The following BRCA2 variants were observed in gnomAD, a reference collection of about 807,000 sequenced individuals.
BRCA2 encodes breast cancer type 2 susceptibility protein.
In BRCA2, 203 loss-of-function variants were observed where a neutral mutation model predicts 276.7. That is an observed-to-expected ratio of 0.73 (90% confidence interval 0.65 to 0.82). BRCA2 has a LOEUF of 0.82. Among genes scored for constraint, BRCA2 ranks in the 40% least tolerant of loss-of-function variants. BRCA2 has a pLI of 0.00. For synonymous variants in BRCA2, 1,289 were observed against 1,338.4 expected (o/e 0.96, Z 0.81); for missense variants, 3,920 against 3,915.0 (o/e 1.00, Z -0.03).
intron 21 of BRCA2, among the ~76,000 whole-genome samples, chr13:32,378,211 A>T (rs1470622286): frequency 2.0e-5 from 3 of 152,186 alleles, no homozygotes; most frequent in Non-Finnish European, 4.4e-5. Flanking sequence ...GCAGAATAAG[A>T]GTTGGAGTAG....
chr13:32,379,826 T>C lies in BRCA2; in HGVS notation c.9030T>C (p.His3010=), dbSNP rs1060504616. The C allele has an allele frequency of 6.2e-7, 1 of 1,613,002 alleles. No individual in the cohort carries two copies. Among genetic ancestry groups the C allele is most frequent in the Non-Finnish European group, 8.5e-7 (1 of 1,179,038 alleles). Residue 3010 remains histidine, a synonymous_variant, in exon 23 of 27, where the codon CAT becomes CAC. Coordinates refer to ENST00000380152, the MANE Select transcript of BRCA2 (RefSeq NM_000059.4). ...AAGGAAAGAGATACAGAATTTATCATCTTGCAACTTCAAAATCTAAAAGTA... is the reference window on the plus strand; with the variant it reads ...AAGGAAAGAGATACAGAATTTATCACCTTGCAACTTCAAAATCTAAAAGTA... The part of the protein sequence containing the change: ...LTEGKRYRIY[H]LATSKSKSKS...
chr13:32,395,106 C>T (rs1282432615), intron 25 of BRCA2, among the ~76,000 whole-genome samples, 173 bp downstream of exon 25: 2 of 152,102 alleles, frequency 1.3e-5, no homozygotes, highest in Non-Finnish European at 2.9e-5. Context: ...GGGGAAATGA[C>T]AGCAACTAGA....
chr13:32,355,845 A>C (rs1330173162), intron 14 of BRCA2, among the ~76,000 whole-genome samples: 1 of 151,804 alleles, frequency 6.6e-6, no homozygotes, highest in Non-Finnish European at 1.5e-5. Flanking sequence ...GCGCCATTGC[A>C]CTCCAGCCTG....
chr13:32,352,894 G>A (rs2072662243), intron 13 of BRCA2, among the ~76,000 whole-genome samples: 1 of 152,178 alleles, frequency 6.6e-6, no homozygotes, highest in African/African-American at 2.4e-5. Context: ...GTGATAAGTT[G>A]AGACTGGCAA....
chr13:32,338,833 A>G lies in BRCA2; in HGVS notation c.4478A>G (p.Glu1493Gly), dbSNP rs80358679. The change falls in exon 11 of 27, where the codon GAA becomes GGA. Residue 1493 changes from glutamate (E) to glycine (G), a missense_variant. This residue lies in a region of BRCA2 where 3,263 missense variants were observed against 3,156.9 expected (regional missense o/e 1.03). Coordinates refer to ENST00000380152, the MANE Select transcript of BRCA2 (RefSeq NM_000059.4). ...ATAGTTAAACACAAAATACTGAAAG[A>G]AAGTGTCCCAGTTGGTACTGGAAAT... is the stretch of plus-strand genomic sequence containing the variant. ...TDIVKHKILK[E>G]SVPVGTGNQL... 2 of 1,613,788 alleles carry G rather than the reference A, an allele frequency of 1.2e-6. No homozygotes were observed. The highest frequency in any genetic ancestry group is 1.3e-5 in the African/African-American group (1 of 74,938).
intron 20 of BRCA2, among the ~76,000 whole-genome samples, chr13:32,376,388 G>A (rs906366090): frequency 6.6e-6 from 1 of 151,870 alleles, no homozygotes; most frequent in South Asian, 2.1e-4. Context: ...CGGGCATGTT[G>A]GATGTGCCTC....
At position 32,332,279 on chromosome 13, in the gene BRCA2, A is replaced by G; in HGVS notation, c.801A>G (p.Gly267=). 1 of 1,602,286 alleles carries G rather than the reference A, an allele frequency of 6.2e-7. No homozygotes were observed. Among genetic ancestry groups the G allele is most frequent in the Non-Finnish European group, 8.5e-7 (1 of 1,173,448 alleles). Residue 267 remains glycine (G), a synonymous_variant, in exon 10 of 27, where the codon GGA becomes GGG. Transcript: ENST00000380152. The part of the protein sequence containing the change: ...NQREAASHGF[G]KTSGNSFKVN... ...TGTTTTATACTTTAACAGGATTTGG[A>G]AAAACATCAGGGAATTCATTTAAAG... is the stretch of plus-strand genomic sequence containing the variant.
intron 13 of BRCA2, among the ~76,000 whole-genome samples, chr13:32,353,801 A>G (rs2072668544): frequency 6.6e-6 from 1 of 152,216 alleles, no homozygotes; most frequent in Non-Finnish European, 1.5e-5. Context: ...ACAAGATATC[A>G]AGTATTAGGA....
chr13:32,316,377 G>T, intron 1 of BRCA2, 45 bp from the exon 2 acceptor site: 1 of 1,187,368 alleles, frequency 8.4e-7, no homozygotes, highest in Non-Finnish European at 1.3e-6. Context: ...CACATAATAA[G>T]GAATGCATCC....
chr13:32,398,637 G>A lies in BRCA2; in HGVS notation c.10124G>A (p.Ser3375Asn), dbSNP rs1060502452. The A allele has an allele frequency of 1.9e-6, 3 of 1,614,178 alleles. No homozygotes were observed. Among genetic ancestry groups the A allele is most frequent in the Non-Finnish European group, 2.5e-6 (3 of 1,180,024 alleles). Residue 3375 changes from serine to asparagine, a missense_variant, in exon 27 of 27, where the codon AGT becomes AAT. By Grantham distance (46) the Ser-to-Asn change is conservative (BLOSUM62 1). This residue lies in a region of BRCA2 where 657 missense variants were observed against 758.2 expected (regional missense o/e 0.87). Coordinates refer to ENST00000380152, the MANE Select transcript of BRCA2 (RefSeq NM_000059.4). ...VSESTRTAPT[S>N]SEDYLRLKRR... The stretch of plus-strand genomic sequence containing the variant: ...GAATCCACTAGGACTGCTCCCACCA[G>A]TTCAGAAGATTATCTCAGACTGAAA...
chr13:32,399,361 C>T lies in BRCA2; in HGVS notation c.*591C>T, dbSNP rs2073064909. 1.6e-5 allele frequency: 3 copies of T among 190,650 alleles called. No homozygotes were observed. The Admixed American group carries it at 1.8e-4, about 12-fold the overall frequency. The allele number at this position is 190,650 out of a possible 1,614,324, so 11.8% of individuals were successfully genotyped here. A position where few individuals can be genotyped will look rare whatever the true frequency, so the allele number is the denominator to read the frequency against. The stretch of plus-strand genomic sequence containing the variant: ...GGTAACTCACTATGAAATAGTTCTC[C>T]TTAATGCAAATATGTTGGTTCTGCT... On this transcript the variant is annotated 3_prime_UTR_variant, in exon 27 of 27. Coordinates refer to ENST00000380152, the MANE Select transcript of BRCA2 (RefSeq NM_000059.4).
At chr13:32,368,178 C>T (rs1417823849) in intron 18 of BRCA2, among the ~76,000 whole-genome samples, 3 of 151,682 alleles carry the variant, frequency 2.0e-5, no homozygotes, top group Admixed American at 1.3e-4. Context: ...CACCACCACA[C>T]CTGGCTAATT....
chr13:32,346,492 A>AGGG (rs1372206813), intron 12 of BRCA2, among the ~76,000 whole-genome samples: 8 of 152,092 alleles, frequency 5.3e-5, no homozygotes, highest in African/African-American at 1.9e-4. Context: ...AATGAACAAT[A>AGGG]TCTAAAGCTT....
rs750170508 is a variant in BRCA2 at position 32,325,807 on chromosome 13, T to C, written c.426-294T>C. 2.0e-5 allele frequency among the ~76,000 whole-genome samples: 3 copies of C among 152,214 alleles called. No homozygotes were observed. The East Asian group carries it at 5.8e-4, about 29-fold the overall frequency. ...CGCCCGCCTCAGCCTCCCAGACTGC[T>C]GGGATTACAGGCGTGAACCACTGTG... On this transcript the variant is annotated intron_variant, in intron 4 of 26. Transcript: ENST00000380152.
rs1057520252 is a variant in BRCA2 at position 32,398,548 on chromosome 13, A to G, written c.10035A>G (p.Ala3345=). The change falls in exon 27 of 27, where the codon GCA becomes GCG. Residue 3345 remains alanine, a synonymous_variant. Coordinates refer to ENST00000380152, the MANE Select transcript of BRCA2 (RefSeq NM_000059.4). Reference sequence around the variant, plus strand: ...ATTCAATAGCTGACGAAGAACTTGCATTGATAAATACCCAAGCTCTTTTGT... The same window carrying G: ...ATTCAATAGCTGACGAAGAACTTGCGTTGATAAATACCCAAGCTCTTTTGT... ...ESNSIADEEL[A]LINTQALLSG... The G allele has an allele frequency of 2.5e-6, 4 of 1,614,182 alleles. No homozygotes were observed. The highest frequency in any genetic ancestry group is 3.4e-6 in the Non-Finnish European group (4 of 1,180,018).
Position 32,333,049 on chromosome 13 carries a change from T to A in BRCA2, c.1571T>A (p.Met524Lys), listed in dbSNP as rs2137472754. The A allele has an allele frequency of 6.2e-7, 1 of 1,608,650 alleles. No homozygotes were observed. The highest frequency in any genetic ancestry group is 2.2e-5 in the East Asian group (1 of 44,852). The stretch of plus-strand genomic sequence containing the variant: ...TTCAATGCAAGTTTTTCAGGTCATA[T>A]GACTGATCCAAACTTTAAAAAAGAA... ...ETFNASFSGH[M>K]TDPNFKKETE... The change falls in exon 10 of 27, where the codon ATG becomes AAG. Residue 524 changes from methionine (M) to lysine (K), a missense_variant. By Grantham distance (95) the Met-to-Lys change is moderately conservative. This residue lies in a region of BRCA2 where 3,263 missense variants were observed against 3,156.9 expected (regional missense o/e 1.03). Transcript: ENST00000380152.
Position 32,371,097 on chromosome 13 carries a change from G to C in BRCA2, c.8629G>C (p.Glu2877Gln), listed in dbSNP as rs80359121. 6.2e-7 allele frequency: 1 copy of C among 1,613,896 alleles called. No homozygotes were observed. The highest frequency in any genetic ancestry group is 8.5e-7 in the Non-Finnish European group (1 of 1,179,820). ...TKIQEEFEEH[E>Q]ENTTKPYLPS... ...AATTCAGGAGGAATTTGAAGAACAT[G>C]AAGGTAAAATTAGTTATATGGTACA... is the stretch of plus-strand genomic sequence containing the variant. The change falls in exon 20 of 27, where the codon GAA (glutamate) becomes CAA (glutamine). Residue 2877 changes from glutamate to glutamine, a missense_variant. By Grantham distance (29) the Glu-to-Gln change is conservative. Coordinates refer to ENST00000380152, the MANE Select transcript of BRCA2 (RefSeq NM_000059.4).
intron 13 of BRCA2, among the ~76,000 whole-genome samples, chr13:32,351,211 G>C (rs1051095254): frequency 2.0e-5 from 3 of 152,130 alleles, no homozygotes; most frequent in Non-Finnish European, 4.4e-5. Context: ...CTACCTTTAT[G>C]AGCTGTAACA....
chr13:32,332,736 G>A lies in BRCA2; in HGVS notation c.1258G>A (p.Asp420Asn), dbSNP rs2072407813. ...ACCCCTATTGCATATTTCTTCATGT[G>A]ACCAAAATATTTCAGAAAAAGACCT... ...KIPLLHISSC[D>N]QNISEKDLLD... Residue 420 changes from aspartate (D) to asparagine (N), a missense_variant, in exon 10 of 27, where the codon GAC (aspartate) becomes AAC (asparagine). Physicochemically the swap from Asp to Asn is conservative, Grantham distance 23. Coordinates refer to ENST00000380152, the MANE Select transcript of BRCA2 (RefSeq NM_000059.4). 3 of 1,610,344 alleles carry A rather than the reference G, an allele frequency of 1.9e-6. No homozygotes were observed. The highest frequency in any genetic ancestry group is 1.1e-5 in the South Asian group (1 of 89,974).
Sources: gnomAD v4.1 joint callset for allele counts (sites outside exome capture counted in the v4.1 genomes callset) on GRCh38, gnomAD v4.1.1 for gene constraint, gnomAD v4.1.1 regional missense constraint, MANE v1.5 for transcripts, NCBI Gene and HGNC (gene_info 2026-07-23, HGNC 2026-07-21) for gene names.